ZSCAN20: variants seen among roughly 807,000 people sequenced by gnomAD.
The protein encoded by ZSCAN20 is zinc finger and SCAN domain-containing protein 20.
In ZSCAN20, 39 loss-of-function variants were observed where a neutral mutation model predicts 97.1. The observed-to-expected ratio is 0.40, with a 90% confidence interval of 0.31 to 0.52. ZSCAN20 has a LOEUF of 0.52. ZSCAN20 is among the 20% of genes least tolerant of loss of function. The probability of loss-of-function intolerance (pLI) is 0.49; values close to 1 mark genes in which losing one functional copy is unlikely to be tolerated. For synonymous variants in ZSCAN20, 456 were observed against 467.3 expected, an observed-to-expected ratio of 0.98 and a Z score of 0.31; for missense variants, 1,115 against 1,290.4, an observed-to-expected ratio of 0.86 and a Z score of 2.08.
intron 4 of ZSCAN20, 61 bp downstream of exon 4, chr1:33,489,252 G>A (rs1652499712): frequency 1.3e-5 from 20 of 1,531,030 alleles, no homozygotes; most frequent in Non-Finnish European, 1.8e-5. Context: ...TGCCCCCACA[G>A]TGTTCCTCCT....
At position 33,494,582 on chromosome 1, in the gene ZSCAN20, C is replaced by G; in HGVS notation, c.2238C>G (p.Asn746Lys). The change falls in exon 8 of 8, where the codon AAC (asparagine) becomes AAG (lysine). Residue 746 changes from asparagine to lysine, a missense_variant. Coordinates refer to ENST00000684572, the MANE Select transcript of ZSCAN20 (RefSeq NM_001377376.1). Reference protein sequence around the residue: ...KPYKCLECGKNFSDRSNLNTH... With the variant: ...KPYKCLECGKKFSDRSNLNTH... ...ACAAATGCCTTGAATGTGGAAAAAA[C>G]TTTAGTGACCGCTCTAACCTCAATA... is the stretch of plus-strand genomic sequence containing the variant. 6.2e-7 allele frequency: 1 copy of G among 1,614,008 alleles called. No homozygotes were observed. Among genetic ancestry groups the G allele is most frequent in the Non-Finnish European group, 8.5e-7 (1 of 1,179,860 alleles).
chr1:33,489,084 T>C, intron 3 of ZSCAN20, 31 bp from the exon 4 acceptor site: 1 of 1,591,504 alleles, frequency 6.3e-7, no homozygotes, highest in Non-Finnish European at 8.6e-7. Context: ...GAACCAGAGC[T>C]TGGGTTTCAG....
chr1:33,495,571 G>A lies in ZSCAN20; in HGVS notation c.*95G>A. ...ATAAACTTTCCAATTTTTAAGCTTG[G>A]TGTGTACCCAGGGAAGTTATCTTGG... On this transcript the variant is annotated 3_prime_UTR_variant, in exon 8 of 8. Coordinates refer to ENST00000684572, the MANE Select transcript of ZSCAN20 (RefSeq NM_001377376.1). The A allele has an allele frequency of 1.7e-6, 2 of 1,195,446 alleles. No individual in the cohort carries two copies. Among genetic ancestry groups the A allele is most frequent in the Non-Finnish European group, 2.2e-6 (2 of 913,632 alleles). The allele number at this position is 1,195,446 out of a possible 1,614,324, so 74.1% of individuals were successfully genotyped here. A position where few individuals can be genotyped will look rare whatever the true frequency, so the allele number is the denominator to read the frequency against.
Position 33,489,513 on chromosome 1 carries a change from C to T in ZSCAN20, c.682-5C>T, listed in dbSNP as rs371917971. On this transcript the variant is annotated splice_polypyrimidine_tract_variant and splice_region_variant and intron_variant, in intron 4 of 7. Transcript: ENST00000684572. ...TTTGGGGTCCTTGTCTTGTGCATCT[C>T]GCAGGAAGCCCTGGGCCCTGGCAAA... 4.8e-5 allele frequency: 77 copies of T among 1,613,934 alleles called. No individual in the cohort carries two copies. In the East Asian group the frequency reaches 8.2e-4, roughly 17 times the overall value.
rs1159423905 is a variant in ZSCAN20 at position 33,493,053 on chromosome 1, A to G, written c.1445-134A>G. The G allele has an allele frequency of 3.4e-5, 31 of 903,246 alleles. No individual in the cohort carries two copies. Among genetic ancestry groups the G allele is most frequent in the Admixed American group, 1.1e-4 (4 of 36,622 alleles). The allele number at this position is 903,246 out of a possible 1,614,324, so 56.0% of individuals were successfully genotyped here. A position where few individuals can be genotyped will look rare whatever the true frequency, so the allele number is the denominator to read the frequency against. ...TAGCATGCCCCTGAGAAGCAAAGGG[A>G]TATTCTCCAGGTACCTGGATAGTTT... is the stretch of plus-strand genomic sequence containing the variant. On this transcript the variant is annotated intron_variant, in intron 6 of 7. Coordinates refer to ENST00000684572, the MANE Select transcript of ZSCAN20 (RefSeq NM_001377376.1). This position sits in a 1 kb window ranked among gnomAD's most constrained non-coding sequence, Gnocchi z 4.3.
chr1:33,479,787 C>A, intron 2 of ZSCAN20, 82 bp downstream of exon 2: 1 of 1,342,274 alleles, frequency 7.5e-7, no homozygotes, highest in Non-Finnish European at 9.9e-7. Flanking sequence ...TTGCCAAATT[C>A]ACAATAAAAA....
At chr1:33,483,348 A>T (rs1302419896) in intron 2 of ZSCAN20, among the ~76,000 whole-genome samples, 3 of 151,812 alleles carry the variant, frequency 2.0e-5, no homozygotes, top group Non-Finnish European at 4.4e-5. Flanking sequence ...ATCAAAGTTC[A>T]GTCGACTATC....
chr1:33,489,816 C>T (rs1024534890), intron 5 of ZSCAN20, among the ~76,000 whole-genome samples: 1 of 152,148 alleles, frequency 6.6e-6, no homozygotes, highest in Admixed American at 6.5e-5. Flanking sequence ...AGAGCCTGCC[C>T]TCTCTGGGCA....
chr1:33,494,157 A>AAACAC, intron 7 of ZSCAN20, 61 bp from the exon 8 acceptor site: 1 of 1,460,342 alleles, frequency 6.8e-7, no homozygotes, highest in Non-Finnish European at 9.2e-7. Context: ...AGACACACAC[A>AAACAC]AACACACACA....
At chr1:33,483,676 G>A (rs200660670) in intron 2 of ZSCAN20, among the ~76,000 whole-genome samples, 30 of 141,054 alleles carry the variant, frequency 2.1e-4, no homozygotes, top group African/African-American at 3.4e-4. Context: ...CATTGCTATT[G>A]AAAAAAAAAA....
Position 33,491,966 on chromosome 1 carries a change from C to T in ZSCAN20, c.1444+264C>T, listed in dbSNP as rs75431428. 4.1e-3 allele frequency: 1,461 copies of T among 352,730 alleles called. 20 individuals carry two copies. The highest frequency in any genetic ancestry group is 0.027 in the African/African-American group (1,294 of 47,834). The allele number at this position is 352,730 out of a possible 1,614,324, so 21.9% of individuals were successfully genotyped here. A position where few individuals can be genotyped will look rare whatever the true frequency, so the allele number is the denominator to read the frequency against. ...GAATCCAGTATTTCCAAAAGTGTGT[C>T]ACTGGTAGTATGGGATGATCATCGA... is the stretch of plus-strand genomic sequence containing the variant. On this transcript the variant is annotated intron_variant, in intron 6 of 7. Coordinates refer to ENST00000684572, the MANE Select transcript of ZSCAN20 (RefSeq NM_001377376.1). This position sits in a 1 kb window ranked among gnomAD's most constrained non-coding sequence, Gnocchi z 4.3.
At position 33,496,018 on chromosome 1, in the gene ZSCAN20, G is replaced by A. The variant is rs184941522; in HGVS notation, c.*542G>A. On this transcript the variant is annotated 3_prime_UTR_variant, in exon 8 of 8. Transcript: ENST00000684572. ...ATCATCAATAGCAGCAATAGCTGGTGTTTATTGAGCTGTTGCTCTTTGGCA... is the reference window on the plus strand; with the variant it reads ...ATCATCAATAGCAGCAATAGCTGGTATTTATTGAGCTGTTGCTCTTTGGCA... 3 of 152,462 alleles carry A rather than the reference G, an allele frequency of 2.0e-5. No individual in the cohort carries two copies. In the East Asian group the frequency reaches 5.8e-4, roughly 29 times the overall value. 9.4% of individuals were successfully genotyped at this position (152,462 alleles called of 1,614,324 possible). A position where few individuals can be genotyped will look rare whatever the true frequency, so the allele number is the denominator to read the frequency against.
At chr1:33,482,972 C>A (rs950131286) in intron 2 of ZSCAN20, among the ~76,000 whole-genome samples, 1 of 152,174 alleles carries the variant, frequency 6.6e-6, no homozygotes, top group Admixed American at 6.5e-5. Flanking sequence ...GGTCCTTTAT[C>A]AGATATGTGT....
rs937932828 is a variant in ZSCAN20, at chr1:33,500,382, CAG to C, written c.*4911_*4912del. ...ATTTTATGCTGCTTGGAGGAAGAGA[CAG>C]AGAGTTTGAGAGGTCCCAGTTCTTT... On this transcript the variant is annotated 3_prime_UTR_variant, in exon 8 of 8. Transcript: ENST00000684572. 1.9e-5 allele frequency among the ~76,000 whole-genome samples: 2 copies of C among 103,858 alleles called. No homozygotes were observed. Among genetic ancestry groups the C allele is most frequent in the African/African-American group, 4.9e-5 (1 of 20,578 alleles). The allele number at this position is 103,858 out of a possible 152,430, so 68.1% of individuals were successfully genotyped here.
intron 1 of ZSCAN20, among the ~76,000 whole-genome samples, chr1:33,477,608 A>T (rs1651983756): frequency 4.0e-5 from 6 of 150,896 alleles, no homozygotes. Flanking sequence ...ATGGAAATAA[A>T]AGAGAAAGGA....
rs998792964 is a variant in ZSCAN20 at position 33,499,557 on chromosome 1, C to T, written c.*4081C>T. On this transcript the variant is annotated 3_prime_UTR_variant, in exon 8 of 8. Coordinates refer to ENST00000684572, the MANE Select transcript of ZSCAN20 (RefSeq NM_001377376.1). ...CCCATTCAGCACGTGCATTGATGTA[C>T]ACACTCAGTGACTCCCATCCAAGCC... 1.3e-5 allele frequency among the ~76,000 whole-genome samples: 2 copies of T among 152,082 alleles called. No homozygotes were observed. The highest frequency in any genetic ancestry group is 1.3e-4 in the Admixed American group (2 of 15,280).
Position 33,499,917 on chromosome 1 carries a change from C to G in ZSCAN20, c.*4441C>G, listed in dbSNP as rs953399964. Among the ~76,000 whole-genome samples the G allele has an allele frequency of 6.6e-6, 1 of 152,072 alleles. No homozygotes were observed. Among genetic ancestry groups the G allele is most frequent in the South Asian group, 2.1e-4 (1 of 4,820 alleles). ...CCATTTGGGCATTGCTCAGCTCCCCCACCTGTTAATAGCAAACACCAATCT... is the reference window on the plus strand; with the variant it reads ...CCATTTGGGCATTGCTCAGCTCCCCGACCTGTTAATAGCAAACACCAATCT... On this transcript the variant is annotated 3_prime_UTR_variant, in exon 8 of 8. Coordinates refer to ENST00000684572, the MANE Select transcript of ZSCAN20 (RefSeq NM_001377376.1).
chr1:33,494,400 C>G lies in ZSCAN20; in HGVS notation c.2056C>G (p.Gln686Glu), dbSNP rs779481202. ...GGGAAATCCCTCACAGGAACAGTGG[C>G]AAGAAAGTTCTTCTGAAGAGGACTT... ...QWGNPSQEQWQESSSEEDLEK... is the reference protein window; with the variant it reads ...QWGNPSQEQWEESSSEEDLEK... The change falls in exon 8 of 8, where the codon CAA becomes GAA. Residue 686 changes from glutamine to glutamate, a missense_variant. Around this residue, in one of 3 missense-constraint regions of ZSCAN20, gnomAD observed 554 missense variants for 584.9 expected, o/e 0.95. Transcript: ENST00000684572. 6.2e-7 allele frequency: 1 copy of G among 1,613,768 alleles called. No homozygotes were observed. The highest frequency in any genetic ancestry group is 1.1e-5 in the South Asian group (1 of 91,040).
intron 6 of ZSCAN20, chr1:33,492,082 T>G: frequency 6.0e-6 from 1 of 166,398 alleles, no homozygotes; most frequent in Non-Finnish European, 1.3e-5. Context: ...GATAACAAAG[T>G]TAGGTAAAGA....
Sources: allele counts gnomAD v4.1 joint callset (sites outside exome capture counted in the v4.1 genomes callset), GRCh38; gene constraint gnomAD v4.1.1; regional missense constraint gnomAD v4.1.1; non-coding constraint Gnocchi (gnomAD v3.1); transcripts MANE v1.5; gene names NCBI Gene and HGNC (gene_info 2026-07-23, HGNC 2026-07-21).